Variants in C4orf50 observed in about 807,000 individuals in gnomAD.
The protein encoded by C4orf50 is uncharacterized protein C4orf50.
C4orf50 carries 80 observed loss-of-function variants against 77.2 expected under a neutral mutation model. That is an observed-to-expected ratio of 1.04 (90% CI 0.87 to 1.25). The LOEUF (loss-of-function observed/expected upper bound fraction) is 1.25, where lower values mean the gene tolerates loss of function less well. C4orf50 is among the 50% of genes most tolerant of loss of function. The probability of loss-of-function intolerance (pLI) is 0.00; values close to 1 mark genes in which losing one functional copy is unlikely to be tolerated. For missense variants in C4orf50, 1,257 were observed against 1,152.9 expected (o/e 1.09, Z -1.31); for synonymous variants, 532 against 465.3 (o/e 1.14, Z -1.84).
chr4:5,931,932 G>T (rs1228437932), intron 7 of C4orf50, among the ~76,000 whole-genome samples: 1 of 152,148 alleles, frequency 6.6e-6, no homozygotes, highest in Non-Finnish European at 1.5e-5. Context: ...CTGGAAAGGG[G>T]AGCCAAATTG....
chr4:5,917,260 A>T (rs895259403), intron 7 of C4orf50, among the ~76,000 whole-genome samples: 1 of 152,214 alleles, frequency 6.6e-6, no homozygotes, highest in Non-Finnish European at 1.5e-5. Flanking sequence ...CAAAAGCTAG[A>T]CATTTTAAAT....
chr4:6,001,776 G>A (rs990760205), intron 25 of C4orf50, among the ~76,000 whole-genome samples: 1 of 152,262 alleles, frequency 6.6e-6, no homozygotes, highest in Admixed American at 6.5e-5. Context: ...CTTGCAAGAT[G>A]CATGTTTTGG....
At chr4:5,910,816 G>A (rs546371701) in intron 7 of C4orf50, among the ~76,000 whole-genome samples, 2 of 151,934 alleles carry the variant, frequency 1.3e-5, no homozygotes, top group African/African-American at 4.8e-5. Context: ...GAGTGGGGGG[G>A]ATACCTCTCT....
At chr4:5,934,934 G>A (rs114093033) in intron 7 of C4orf50, among the ~76,000 whole-genome samples, 2,536 of 152,256 alleles carry the variant, frequency 0.017, 29 homozygotes, top group Non-Finnish European at 0.027. Context: ...CTACACTTCT[G>A]GCTGGGTGAC....
intron 30 of C4orf50, among the ~76,000 whole-genome samples, chr4:5,974,444 C>T (rs1224493765): frequency 3.4e-5 from 4 of 116,828 alleles, no homozygotes; most frequent in African/African-American, 6.0e-5. Flanking sequence ...TTTTATTTTA[C>T]GGGCGCCAAC....
chr4:5,994,462 A>G (rs1721467769), exon 26 of C4orf50: 1 of 399,152 alleles, frequency 2.5e-6, no homozygotes, highest in Non-Finnish European at 4.4e-6. Context: ...CACCCTGAAC[A>G]CAGCCCAGAG....
At position 5,900,921 on chromosome 4, in the gene C4orf50, G is replaced by A. The variant is rs1005480636; in HGVS notation, c.*2475-2733C>T. The A allele has an allele frequency of 1.3e-5, 2 of 152,224 alleles. No individual in the cohort carries two copies. The highest frequency in any genetic ancestry group is 2.9e-5 in the Non-Finnish European group (2 of 68,038). 9.4% of individuals were successfully genotyped at this position (152,224 alleles called of 1,614,324 possible). A position where few individuals can be genotyped will look rare whatever the true frequency, so the allele number is the denominator to read the frequency against. ...CACTCTGAGCACACAGCCCATGTGTGTCACCCTCTGTATGTCACCATGTGT... is the reference window on the plus strand; with the variant it reads ...CACTCTGAGCACACAGCCCATGTGTATCACCCTCTGTATGTCACCATGTGT... On this transcript the variant is annotated intron_variant, in intron 7 of 7. Coordinates refer to the C4orf50 transcript ENST00000324058. This position sits in a 1 kb window ranked among gnomAD's most constrained non-coding sequence, Gnocchi z 4.3.
intron 31 of C4orf50, among the ~76,000 whole-genome samples, chr4:5,972,296 C>A (rs570010461): frequency 6.6e-6 from 1 of 152,212 alleles, no homozygotes; most frequent in East Asian, 1.9e-4. Flanking sequence ...AGCCACCGCG[C>A]CCGGCCTGCT....
At chr4:5,980,888 G>A (rs1720549106) in intron 28 of C4orf50, among the ~76,000 whole-genome samples, 1 of 152,178 alleles carries the variant, frequency 6.6e-6, no homozygotes, top group Admixed American at 6.5e-5. Context: ...ACAATTGCCT[G>A]TCACTCTTCT....
intron 25 of C4orf50, among the ~76,000 whole-genome samples, chr4:6,004,834 T>A (rs1025026876): frequency 1.8e-5 from 2 of 113,884 alleles, no homozygotes; most frequent in African/African-American, 7.2e-5. Context: ...ATAGTGATGA[T>A]GTGATGGTGA....
chr4:6,013,048 T>C lies in C4orf50; in HGVS notation c.288-1080A>G, dbSNP rs76989827. 2.8e-3 allele frequency among the ~76,000 whole-genome samples: 430 copies of C among 152,334 alleles called. 1 individual carries two copies. The highest frequency in any genetic ancestry group is 9.8e-3 in the African/African-American group (407 of 41,576). ...CTGCCATTCACCAGCCATGGGGTCT[T>C]AACAGGGCTAGTTCAGCACTATGAC... On this transcript the variant is annotated intron_variant, in intron 23 of 33. Coordinates refer to ENST00000531445, the Ensembl canonical transcript of C4orf50.
chr4:5,926,018 C>G (rs993036295), intron 7 of C4orf50, among the ~76,000 whole-genome samples: 1 of 152,132 alleles, frequency 6.6e-6, no homozygotes, highest in South Asian at 2.1e-4. Flanking sequence ...ATGCAGAAGG[C>G]GGAGCCACGC....
Position 6,007,050 on chromosome 4 carries a change from C to A in C4orf50, c.963+946G>T, listed in dbSNP as rs1391406036. On this transcript the variant is annotated intron_variant, in intron 25 of 33. Transcript: ENST00000531445. The surrounding 1 kb of genome is among the most constrained non-coding windows in gnomAD (Gnocchi z 4.1). ...AGATTTTGTCTAGCGCAGGGCCTGG[C>A]TGTCAGCAGGAACTCATTGGATGTT... is the stretch of plus-strand genomic sequence containing the variant. Among the ~76,000 whole-genome samples, 1 of 152,188 alleles carries A rather than the reference C, an allele frequency of 6.6e-6. No homozygotes were observed. The highest frequency in any genetic ancestry group is 1.5e-5 in the Non-Finnish European group (1 of 68,030).
At chr4:5,921,090 A>G (rs1326298772) in intron 7 of C4orf50, among the ~76,000 whole-genome samples, 1 of 152,232 alleles carries the variant, frequency 6.6e-6, no homozygotes, top group African/African-American at 2.4e-5. Context: ...CAGCTGGTCC[A>G]GGAAGAGCCA....
At chr4:5,926,423 A>C (rs1365910517) in intron 7 of C4orf50, among the ~76,000 whole-genome samples, 1 of 152,214 alleles carries the variant, frequency 6.6e-6, no homozygotes, top group East Asian at 1.9e-4. Context: ...GCCGGATGTC[A>C]GTTACCCCAG....
chr4:5,972,447 G>A (rs916323006), intron 31 of C4orf50, among the ~76,000 whole-genome samples: 9 of 152,234 alleles, frequency 5.9e-5, no homozygotes, highest in African/African-American at 2.2e-4. Flanking sequence ...TGGGCAAAGA[G>A]AAGAGCAACA....
intron 28 of C4orf50, among the ~76,000 whole-genome samples, chr4:5,987,617 G>A (rs1720948666): frequency 6.6e-6 from 1 of 151,478 alleles, no homozygotes; most frequent in Non-Finnish European, 1.5e-5. Flanking sequence ...AGGCAGGAGG[G>A]GGAGAGCAAG....
chr4:6,004,110 G>T (rs1722048573), intron 25 of C4orf50, among the ~76,000 whole-genome samples: 1 of 100,686 alleles, frequency 9.9e-6, no homozygotes. Context: ...GATGGTGATG[G>T]TGATGATGGT....
chr4:5,933,460 T>C (rs1169652110), intron 7 of C4orf50, among the ~76,000 whole-genome samples: 1 of 152,182 alleles, frequency 6.6e-6, no homozygotes, highest in African/African-American at 2.4e-5. Flanking sequence ...CCATCTGCTG[T>C]GGGGCTGACC....
Sources: allele counts gnomAD v4.1 joint callset (sites outside exome capture counted in the v4.1 genomes callset), GRCh38; gene constraint gnomAD v4.1.1; non-coding constraint Gnocchi (gnomAD v3.1); transcripts MANE v1.5; gene names NCBI Gene and HGNC (gene_info 2026-07-23, HGNC 2026-07-21).